Variants in SLC4A4 observed in about 807,000 individuals in gnomAD.
The protein encoded by SLC4A4 is solute carrier family 4 member 4.
SLC4A4 carries 27 observed loss-of-function variants against 111.5 expected under a neutral mutation model. The ratio of observed to expected loss-of-function variants is 0.24; its 90% CI spans 0.18 to 0.33. The LOEUF (loss-of-function observed/expected upper bound fraction) is 0.33. SLC4A4 is among the 10% of genes least tolerant of loss of function. SLC4A4 has a pLI of 1.00. For missense variants in SLC4A4, 909 were observed against 1,315.5 expected (o/e 0.69, Z 4.78); for synonymous variants, 443 against 463.4 (o/e 0.96, Z 0.57).
rs1491510042 is a variant in SLC4A4 at position 71,311,888 on chromosome 4, T to TGAGA, written c.254-27481_254-27480insAGAG. Among the ~76,000 whole-genome samples the TGAGA allele has an allele frequency of 4.1e-3, 128 of 31,514 alleles. 1 individual carries two copies. The highest frequency in any genetic ancestry group is 8.6e-3 in the African/African-American group (120 of 13,966). The allele number at this position is 31,514 out of a possible 152,430, so 20.7% of individuals were successfully genotyped here. On this transcript the variant is annotated intron_variant, in intron 3 of 25. Transcript: ENST00000264485. Reference sequence around the variant, plus strand: ...AGGAGCCTGAGCAAATGTGCAAGGCTGTGAGAGAGAGAGAGAGAGAGAGAG... The same window carrying TGAGA: ...AGGAGCCTGAGCAAATGTGCAAGGCTGAGAGTGAGAGAGAGAGAGAGAGAGAGAG...
chr4:71,274,530 T>C (rs1302371594), intron 3 of SLC4A4, among the ~76,000 whole-genome samples: 1 of 152,216 alleles, frequency 6.6e-6, no homozygotes, highest in Non-Finnish European at 1.5e-5. Flanking sequence ...ACAACATTCC[T>C]AAGTAATTCA....
Position 71,534,275 on chromosome 4 carries a change from C to T in SLC4A4, c.2329C>T (p.Pro777Ser), listed in dbSNP as rs1345852402. 4 of 1,613,648 alleles carry T rather than the reference C, an allele frequency of 2.5e-6. No homozygotes were observed. Among genetic ancestry groups the T allele is most frequent in the African/African-American group, 1.3e-5 (1 of 75,008 alleles). ...GWFVPPFGEN[P>S]WWVCLAAAIP... ...GTTCGTTCCACCGTTTGGAGAAAACCCCTGGTGGGTGTGCCTTGCTGCTGC... is the reference window on the plus strand; with the variant it reads ...GTTCGTTCCACCGTTTGGAGAAAACTCCTGGTGGGTGTGCCTTGCTGCTGC... The change falls in exon 18 of 26, where the codon CCC (proline) becomes TCC (serine). Residue 777 changes from proline (P) to serine (S), a missense_variant. By Grantham distance (74) the Pro-to-Ser change is moderately conservative. Coordinates refer to ENST00000264485, the MANE Select transcript of SLC4A4 (RefSeq NM_001098484.3).
chr4:71,363,876 A>G (rs1281120599), intron 6 of SLC4A4, among the ~76,000 whole-genome samples: 1 of 152,220 alleles, frequency 6.6e-6, no homozygotes. Context: ...AAGTGCCTGA[A>G]TGAAATCCTC....
intron 2 of SLC4A4, among the ~76,000 whole-genome samples, chr4:71,116,190 G>A (rs77986883): frequency 0.035 from 5,271 of 152,222 alleles, 305 homozygotes; most frequent in African/African-American, 0.12. Flanking sequence ...CACTGCGCCC[G>A]GCCTATTCAA....
intron 18 of SLC4A4, among the ~76,000 whole-genome samples, chr4:71,541,510 C>T (rs1002984963): frequency 6.6e-6 from 1 of 152,126 alleles, no homozygotes; most frequent in African/African-American, 2.4e-5. Context: ...ATGCAAGGCA[C>T]ATTTAGGGAT....
intron 1 of SLC4A4, among the ~76,000 whole-genome samples, chr4:71,068,411 C>T (rs1406462605): frequency 6.6e-6 from 1 of 151,814 alleles, no homozygotes; most frequent in Non-Finnish European, 1.5e-5. Context: ...ATCCATCTCA[C>T]CACCACCCAG....
chr4:71,499,154 G>T (rs1730682544), intron 16 of SLC4A4, among the ~76,000 whole-genome samples: 1 of 151,650 alleles, frequency 6.6e-6, no homozygotes. Context: ...TGTATTTTTG[G>T]CTTATACTTT....
At chr4:71,486,433 A>G (rs1729411448) in intron 14 of SLC4A4, among the ~76,000 whole-genome samples, 2 of 151,496 alleles carry the variant, frequency 1.3e-5, no homozygotes, top group South Asian at 4.2e-4. Flanking sequence ...TCTCCATTAT[A>G]TTTTTATTAT....
rs1244541639 is a variant in SLC4A4, at chr4:71,437,362, A to G, written c.808-3254A>G. On this transcript the variant is annotated intron_variant, in intron 7 of 25. Transcript: ENST00000264485. ...CCAGAATACATAAGTTACAATATCC[A>G]GTAAATTAGAAACTACTATCAGTTT... 3 of 328,980 alleles carry G rather than the reference A, an allele frequency of 9.1e-6. No homozygotes were observed. In the Admixed American group the frequency reaches 1.0e-4, roughly 11 times the overall value. 20.4% of individuals were successfully genotyped at this position (328,980 alleles called of 1,614,324 possible).
chr4:71,143,661 T>G (rs554601261), intron 2 of SLC4A4, among the ~76,000 whole-genome samples: 2,277 of 152,336 alleles, frequency 0.015, 68 homozygotes, highest in African/African-American at 0.052. Flanking sequence ...TGAGATGGTA[T>G]CTCATTGTGG....
chr4:71,458,771 T>C (rs1726530353), intron 12 of SLC4A4, among the ~76,000 whole-genome samples: 1 of 152,106 alleles, frequency 6.6e-6, no homozygotes, highest in Non-Finnish European at 1.5e-5. Flanking sequence ...ATGTGTAATT[T>C]ATAACAGCAA....
chr4:71,393,237 T>G (rs1719479269), intron 6 of SLC4A4, among the ~76,000 whole-genome samples: 1 of 152,142 alleles, frequency 6.6e-6, no homozygotes, highest in African/African-American at 2.4e-5. Flanking sequence ...CACTGTTTGC[T>G]GATGATATGA....
intron 2 of SLC4A4, among the ~76,000 whole-genome samples, chr4:71,132,386 C>T (rs548193387): frequency 4.6e-5 from 7 of 152,268 alleles, no homozygotes; most frequent in South Asian, 2.1e-4. Flanking sequence ...GCATGTTCTT[C>T]GAATTTGCCC....
chr4:71,442,118 T>C (rs1276360524), intron 8 of SLC4A4, among the ~76,000 whole-genome samples: 1 of 152,234 alleles, frequency 6.6e-6, no homozygotes, highest in Non-Finnish European at 1.5e-5. Flanking sequence ...AAATTGCTCT[T>C]GGCTTTTCAT....
chr4:71,512,233 GTCTACCAACCATATAAAACATT>G (rs982218016), intron 16 of SLC4A4, among the ~76,000 whole-genome samples: 3 of 152,086 alleles, frequency 2.0e-5, no homozygotes, highest in Non-Finnish European at 2.9e-5. Flanking sequence ...GTCTACCACA[GTCTACCAACCATATAAAACATT>G]TCTACCAACC....
intron 3 of SLC4A4, among the ~76,000 whole-genome samples, chr4:71,315,562 G>A (rs1009011826): frequency 6.6e-6 from 1 of 152,046 alleles, no homozygotes; most frequent in Non-Finnish European, 1.5e-5. Flanking sequence ...TTTCAGACTG[G>A]GCTCTAAGTA....
chr4:71,170,360 T>C (rs1039212790), intron 2 of SLC4A4, among the ~76,000 whole-genome samples: 1 of 152,168 alleles, frequency 6.6e-6, no homozygotes, highest in African/African-American at 2.4e-5. Context: ...AATGAATAAA[T>C]GAAAGACAGT....
intron 2 of SLC4A4, among the ~76,000 whole-genome samples, chr4:71,166,993 T>TAACTTACAA (rs1744794295): frequency 6.6e-6 from 1 of 152,148 alleles, no homozygotes; most frequent in South Asian, 2.1e-4. Flanking sequence ...CAAAACTTAG[T>TAACTTACAA]AACTTACAAC....
intron 3 of SLC4A4, among the ~76,000 whole-genome samples, chr4:71,314,020 T>A (rs1348395128): frequency 2.0e-5 from 3 of 152,002 alleles, no homozygotes; most frequent in African/African-American, 7.2e-5. Context: ...AATCTATCCA[T>A]CTGACAAAGG....
Sources: allele counts gnomAD v4.1 joint callset (sites outside exome capture counted in the v4.1 genomes callset), GRCh38; gene constraint gnomAD v4.1.1; transcripts MANE v1.5; gene names NCBI Gene and HGNC (gene_info 2026-07-23, HGNC 2026-07-21).